Variants in HYAL4 observed in about 807,000 individuals in gnomAD.
HYAL4 encodes hyaluronidase 4.
HYAL4 carries 37 observed loss-of-function variants against 35.2 expected under a neutral mutation model. That is an observed-to-expected ratio of 1.05 (90% CI 0.81 to 1.38). The LOEUF (loss-of-function observed/expected upper bound fraction) is 1.38, where lower values mean the gene tolerates loss of function less well. Among genes scored for constraint, HYAL4 ranks in the 40% most tolerant of loss-of-function variants. HYAL4 has a pLI of 0.00. For missense variants in HYAL4, 572 were observed against 572.4 expected, an observed-to-expected ratio of 1.00 and a Z score of 0.01; for synonymous variants, 198 against 203.2, an observed-to-expected ratio of 0.97 and a Z score of 0.22.
the HYAL4 span, among the ~76,000 whole-genome samples, chr7:123,768,150 C>A: frequency 6.6e-6 from 1 of 152,044 alleles, no homozygotes; most frequent in African/African-American, 2.4e-5. Context: ...AATAAGTAAT[C>A]TCATATTAGG....
At chr7:123,806,976 C>T in the HYAL4 span, among the ~76,000 whole-genome samples, 1 of 152,162 alleles carries the variant, frequency 6.6e-6, no homozygotes, top group East Asian at 1.9e-4. Flanking sequence ...TCAGTTGATC[C>T]TTATAGATGT....
At chr7:123,848,039 G>T (rs1806212806) in intron 1 of HYAL4, 50 bp from the exon 2 acceptor site, 1 of 152,556 alleles carries the variant, frequency 6.6e-6, no homozygotes, top group Non-Finnish European at 1.5e-5. Flanking sequence ...AGTTTAACTT[G>T]GAGGACTGAG....
At chr7:123,790,681 A>G in the HYAL4 span, 3 of 149,062 alleles carry the variant, frequency 2.0e-5, no homozygotes, top group Non-Finnish European at 4.4e-5. Context: ...TATCGTTCCA[A>G]TTTTAGTATA....
intron 1 of HYAL4, among the ~76,000 whole-genome samples, chr7:123,833,221 A>C (rs142348786): frequency 2.0e-5 from 3 of 152,288 alleles, no homozygotes; most frequent in African/African-American, 7.2e-5. Flanking sequence ...GTTCCCGTTC[A>C]CTACACCCAC....
chr7:123,778,188 TC>T, the HYAL4 span, among the ~76,000 whole-genome samples: 1,123 of 151,378 alleles, frequency 7.4e-3, 32 homozygotes, highest in East Asian at 0.1. Context: ...TATCTATCTA[TC>T]TATCTATCAC....
intron 3 of HYAL4, among the ~76,000 whole-genome samples, chr7:123,869,665 G>C (rs894313588): frequency 7.3e-5 from 11 of 151,034 alleles, no homozygotes; most frequent in Admixed American, 1.3e-4. Context: ...GGAAAGTAGT[G>C]GGTATTTTAA....
the HYAL4 span, among the ~76,000 whole-genome samples, chr7:123,773,939 A>G: frequency 6.6e-6 from 1 of 152,072 alleles, no homozygotes; most frequent in Non-Finnish European, 1.5e-5. Flanking sequence ...ACACTCTGTT[A>G]TGCATGGCAG....
At chr7:123,795,782 CAT>C in the HYAL4 span, among the ~76,000 whole-genome samples, 6 of 152,086 alleles carry the variant, frequency 3.9e-5, no homozygotes, top group South Asian at 1.2e-3. Context: ...ATCAATGAAA[CAT>C]ATGAAGTTGT....
At position 123,852,229 on chromosome 7, in the gene HYAL4, G is replaced by A. The variant is rs992722168; in HGVS notation, c.-52+4071G>A. Among the ~76,000 whole-genome samples, 4 of 152,096 alleles carry A rather than the reference G, an allele frequency of 2.6e-5. No homozygotes were observed. In the South Asian group the frequency reaches 6.2e-4, roughly 24 times the overall value. The stretch of plus-strand genomic sequence containing the variant: ...TGATAGTTTCTTTTGCTGTGCAGAA[G>A]GTCTTTAGTTTAATTAGATCCCATT... On this transcript the variant is annotated intron_variant, in intron 2 of 4. Coordinates refer to ENST00000223026, the MANE Select transcript of HYAL4 (RefSeq NM_012269.3).
rs1219483381 is a variant in HYAL4, at chr7:123,876,938, C to G, written c.1229C>G (p.Ser410Cys). 1.2e-6 allele frequency: 2 copies of G among 1,614,172 alleles called. No individual in the cohort carries two copies. The highest frequency in any genetic ancestry group is 2.2e-5 in the East Asian group (1 of 44,874). ...CCTGCAAGTTACCACATAGAGGCCTCTGAGGACGGGGAGTTTACTGTGAAA... is the reference window on the plus strand; with the variant it reads ...CCTGCAAGTTACCACATAGAGGCCTGTGAGGACGGGGAGTTTACTGTGAAA... ...LNPASYHIEA[S>C]EDGEFTVKGK... The change falls in exon 5 of 5, where the codon TCT becomes TGT. Residue 410 changes from serine (S) to cysteine (C), a missense_variant. Ser to Cys is a moderately radical substitution (Grantham distance 112). Transcript: ENST00000223026.
the HYAL4 span, among the ~76,000 whole-genome samples, chr7:123,776,958 C>T: frequency 2.2e-4 from 33 of 152,174 alleles, no homozygotes; most frequent in Middle Eastern, 6.8e-3. Context: ...GGCAAAATAC[C>T]CCTGAAAACT....
chr7:123,858,096 C>T (rs1806496647), intron 2 of HYAL4, among the ~76,000 whole-genome samples: 1 of 152,086 alleles, frequency 6.6e-6, no homozygotes, highest in East Asian at 1.9e-4. Context: ...ACTCAGGAGG[C>T]TGAGGTGGGA....
the HYAL4 span, among the ~76,000 whole-genome samples, chr7:123,779,490 TATG>T: frequency 0.066 from 10,028 of 152,106 alleles, 411 homozygotes; most frequent in East Asian, 0.11. Flanking sequence ...GGTGAAATAA[TATG>T]ATGTCTGAAA....
At chr7:123,816,447 T>G in the HYAL4 span, among the ~76,000 whole-genome samples, 1 of 152,188 alleles carries the variant, frequency 6.6e-6, no homozygotes, top group African/African-American at 2.4e-5. Context: ...CTTGAGTGCC[T>G]ACCTTGTGTC....
At chr7:123,828,574 T>C (rs138540071), upstream of HYAL4, among the ~76,000 whole-genome samples, 2 of 152,212 alleles carry the variant, frequency 1.3e-5, no homozygotes, top group African/African-American at 4.8e-5. Context: ...GACCTAATGT[T>C]AAAATATATT....
At chr7:123,874,998 A>G (rs1449302101) in intron 4 of HYAL4, 148 bp downstream of exon 4, 1 of 604,448 alleles carries the variant, frequency 1.7e-6, no homozygotes, top group African/African-American at 1.9e-5. Context: ...GCTAAAAAAT[A>G]TTGTGAACTT....
At position 123,868,377 on chromosome 7, in the gene HYAL4, TA is replaced by T; in HGVS notation, c.108del (p.Lys36AsnfsTer14). 1 of 1,612,634 alleles carries T rather than the reference TA, an allele frequency of 6.2e-7. No homozygotes were observed. The highest frequency in any genetic ancestry group is 8.5e-7 in the Non-Finnish European group (1 of 1,179,230). ...IFFILKSISC[L>X]KPARLPIYQR... ...TTTATTCTAAAGTCTATCTCTTGTCTAAAACCTGCTCGACTTCCAATTTATC... is the reference window on the plus strand; with the variant it reads ...TTTATTCTAAAGTCTATCTCTTGTCTAAACCTGCTCGACTTCCAATTTATC... On this transcript the variant is annotated frameshift_variant, in exon 3 of 5. Transcript: ENST00000223026. LOFTEE classifies it high-confidence loss of function.
At chr7:123,870,682 C>T (rs536187585) in intron 3 of HYAL4, among the ~76,000 whole-genome samples, 1 of 151,468 alleles carries the variant, frequency 6.6e-6, no homozygotes, top group Non-Finnish European at 1.5e-5. Flanking sequence ...ATTGCTTGAA[C>T]TCGGGAGGCA....
chr7:123,774,273 A>G, the HYAL4 span, among the ~76,000 whole-genome samples: 1 of 152,228 alleles, frequency 6.6e-6, no homozygotes, highest in South Asian at 2.1e-4. Context: ...TCCTGGCTTC[A>G]AGCAATCCTC....
Sources: allele counts gnomAD v4.1 joint callset (sites outside exome capture counted in the v4.1 genomes callset), GRCh38; gene constraint gnomAD v4.1.1; transcripts MANE v1.5; gene names NCBI Gene and HGNC (gene_info 2026-07-23, HGNC 2026-07-21).